Variants in CHD9 observed in about 807,000 individuals in gnomAD.
The protein encoded by CHD9 is ATP-dependent chromatin remodeler CHD9.
A neutral mutation model predicts 316.1 loss-of-function variants in CHD9; 77 were observed. The ratio of observed to expected loss-of-function variants is 0.24; its 90% CI spans 0.20 to 0.29. The LOEUF (loss-of-function observed/expected upper bound fraction) is 0.29, where lower values mean the gene tolerates loss of function less well. CHD9 is among the 10% of genes least tolerant of loss of function. The pLI is 1.00. For synonymous variants in CHD9, 1,129 were observed against 1,158.3 expected, an observed-to-expected ratio of 0.97 and a Z score of 0.51; for missense variants, 2,763 against 3,438.1, an observed-to-expected ratio of 0.80 and a Z score of 4.91.
intron 27 of CHD9, 40 bp from the exon 28 acceptor site, chr16:53,291,685 C>A (rs111643384): frequency 0.029 from 40,077 of 1,399,532 alleles, 720 homozygotes; most frequent in South Asian, 0.064. Context: ...TATCTCTTGA[C>A]CCAATTACCC....
intron 2 of CHD9, among the ~76,000 whole-genome samples, chr16:53,199,292 C>A (rs1313974314): frequency 1.3e-5 from 2 of 152,142 alleles, no homozygotes; most frequent in African/African-American, 4.8e-5. Context: ...AACCACTTAA[C>A]AACTCTATAT....
intron 22 of CHD9, among the ~76,000 whole-genome samples, chr16:53,272,950 G>A (rs1041372293): frequency 1.3e-5 from 2 of 152,062 alleles, no homozygotes; most frequent in South Asian, 2.1e-4. Flanking sequence ...TTAGCCAGGC[G>A]TGGTGGCGCA....
intron 31 of CHD9, 107 bp downstream of exon 31, chr16:53,304,732 T>C (rs2055787642): frequency 1.9e-6 from 2 of 1,041,272 alleles, no homozygotes; most frequent in South Asian, 3.6e-5. Flanking sequence ...TTTGCTCTTG[T>C]TGCCCAGGCT....
At chr16:53,089,091 G>A (rs2035716688) in intron 1 of CHD9, among the ~76,000 whole-genome samples, 1 of 151,778 alleles carries the variant, frequency 6.6e-6, no homozygotes, top group South Asian at 2.1e-4. Flanking sequence ...CAACCTGGGT[G>A]ACAGAGTGAG....
Position 53,081,839 on chromosome 16 carries a change from GTGAATGAA to G in CHD9, c.-165+26788_-165+26795del, listed in dbSNP as rs57324357. ...TGATCTGTTTATATTTGTCAAGTTT[GTGAATGAA>G]TGAATGAATGAATGAATGAATGAAT... On this transcript the variant is annotated intron_variant, in intron 1 of 38. Coordinates refer to ENST00000447540, the MANE Select transcript of CHD9 (RefSeq NM_001308319.2). Among the ~76,000 whole-genome samples the G allele has an allele frequency of 5.3e-3, 794 of 150,192 alleles. 9 individuals carry two copies. The highest frequency in any genetic ancestry group is 5.8e-3 in the Non-Finnish European group (395 of 67,562).
intron 17 of CHD9, chr16:53,250,760 TAA>T (rs1221189333): frequency 3.9e-5 from 6 of 151,922 alleles, no homozygotes; most frequent in Non-Finnish European, 7.4e-5. Flanking sequence ...GAACAAAATA[TAA>T]GAGAAATTAT....
chr16:53,224,842 T>C (rs932434090), intron 4 of CHD9, among the ~76,000 whole-genome samples: 1 of 152,166 alleles, frequency 6.6e-6, no homozygotes, highest in African/African-American at 2.4e-5. Context: ...ATCCATAGAA[T>C]TCCCCCCTCC....
chr16:53,111,619 G>A (rs2037872964), intron 1 of CHD9, among the ~76,000 whole-genome samples: 1 of 152,186 alleles, frequency 6.6e-6, no homozygotes, highest in Non-Finnish European at 1.5e-5. Flanking sequence ...AGTAGCCAAC[G>A]AATACCATGG....
Position 53,245,207 on chromosome 16 carries a change from C to A in CHD9, c.3055-129C>A. On this transcript the variant is annotated intron_variant, in intron 13 of 38. Transcript: ENST00000447540. The surrounding 1 kb of genome is among the most constrained non-coding windows in gnomAD (Gnocchi z 4.1). ...AAATATATATATATACACACACACA[C>A]ACATAACATATATATATGTATATAT... The A allele has an allele frequency of 1.6e-6, 1 of 614,750 alleles. No homozygotes were observed. The highest frequency in any genetic ancestry group is 2.5e-6 in the Non-Finnish European group (1 of 397,266). 38.1% of individuals were successfully genotyped at this position (614,750 alleles called of 1,614,324 possible). A position where few individuals can be genotyped will look rare whatever the true frequency, so the allele number is the denominator to read the frequency against.
At chr16:53,118,129 G>T (rs1024232069) in intron 1 of CHD9, among the ~76,000 whole-genome samples, 2 of 152,204 alleles carry the variant, frequency 1.3e-5, no homozygotes, top group Middle Eastern at 3.4e-3. Flanking sequence ...ATGCGGCCAA[G>T]ACCTAAATAT....
Position 53,296,142 on chromosome 16 carries a change from G to C in CHD9, c.5511-814G>C, listed in dbSNP as rs183599854. ...CCACTTACTCTGTGATGCCTTTCTT[G>C]ATTGTCAAGTCTGAACTGATCCTTC... On this transcript the variant is annotated intron_variant, in intron 29 of 38. Coordinates refer to ENST00000447540, the MANE Select transcript of CHD9 (RefSeq NM_001308319.2). Among the ~76,000 whole-genome samples the C allele has an allele frequency of 6.6e-5, 10 of 152,204 alleles. No individual in the cohort carries two copies. The East Asian group carries it at 1.9e-3, about 29-fold the overall frequency.
intron 36 of CHD9, among the ~76,000 whole-genome samples, chr16:53,317,899 T>TA (rs889956233): frequency 2.0e-5 from 3 of 151,196 alleles, no homozygotes; most frequent in East Asian, 1.9e-4. Context: ...TACAAAAAAA[T>TA]AAAAAAAATT....
chr16:53,221,935 A>G (rs995890856), intron 3 of CHD9, among the ~76,000 whole-genome samples: 8 of 152,324 alleles, frequency 5.3e-5, no homozygotes, highest in African/African-American at 1.7e-4. Flanking sequence ...GAAATCTGCA[A>G]GATAATAAAG....
intron 25 of CHD9, among the ~76,000 whole-genome samples, chr16:53,285,952 GA>G (rs1340582884): frequency 2.0e-5 from 3 of 152,176 alleles, no homozygotes; most frequent in Admixed American, 6.5e-5. Flanking sequence ...TCTCATGTGA[GA>G]TATGTTTGTG....
At chr16:53,086,793 C>A (rs187047271) in intron 1 of CHD9, among the ~76,000 whole-genome samples, 1 of 152,244 alleles carries the variant, frequency 6.6e-6, no homozygotes, top group Non-Finnish European at 1.5e-5. Flanking sequence ...CAACTCATGG[C>A]CAATTTTATT....
chr16:53,182,673 T>G (rs1567436764), intron 2 of CHD9, among the ~76,000 whole-genome samples: 1 of 152,190 alleles, frequency 6.6e-6, no homozygotes, highest in African/African-American at 2.4e-5. Context: ...AGAAAAACAC[T>G]TCACTAATCA....
chr16:53,322,824 T>TC (rs2057364044), intron 38 of CHD9, among the ~76,000 whole-genome samples: 1 of 152,148 alleles, frequency 6.6e-6, no homozygotes, highest in Non-Finnish European at 1.5e-5. Flanking sequence ...GGGGGAATTA[T>TC]AGAATGTGTA....
intron 19 of CHD9, 129 bp from the exon 20 acceptor site, chr16:53,262,857 CT>C: frequency 1.4e-6 from 1 of 722,636 alleles, no homozygotes; most frequent in Non-Finnish European, 2.3e-6. Flanking sequence ...TTTCAGACCA[CT>C]GAATTTGAAA....
At chr16:53,176,939 A>G (rs2043134423) in intron 2 of CHD9, among the ~76,000 whole-genome samples, 1 of 152,034 alleles carries the variant, frequency 6.6e-6, no homozygotes, top group Admixed American at 6.6e-5. Context: ...TAGTGGTGAC[A>G]TCTTTATTTA....
Sources: gnomAD v4.1 joint callset for allele counts (sites outside exome capture counted in the v4.1 genomes callset) on GRCh38, gnomAD v4.1.1 for gene constraint, Gnocchi (gnomAD v3.1) non-coding constraint, MANE v1.5 for transcripts, NCBI Gene and HGNC (gene_info 2026-07-23, HGNC 2026-07-21) for gene names.